The following IFT80 variants were observed in gnomAD, a reference collection of about 807,000 sequenced individuals.
IFT80 encodes intraflagellar transport protein 80 homolog.
In IFT80, 79 loss-of-function variants were observed where a neutral mutation model predicts 107.9. The observed-to-expected ratio is 0.73, with a 90% confidence interval of 0.61 to 0.88. IFT80 has a LOEUF of 0.88. IFT80 is among the 40% of genes least tolerant of loss of function. The probability of loss-of-function intolerance (pLI) is 0.00; values close to 1 mark genes in which losing one functional copy is unlikely to be tolerated. For missense variants in IFT80, 797 were observed against 914.2 expected (o/e 0.87, Z 1.65); for synonymous variants, 299 against 300.9 (o/e 0.99, Z 0.07).
chr3:160,398,813 T>C (rs1714096215), intron 1 of IFT80, among the ~76,000 whole-genome samples: 2 of 152,166 alleles, frequency 1.3e-5, no homozygotes, highest in Admixed American at 6.5e-5. Context: ...TGGCGAGTCG[T>C]TTTTTCCACT....
At chr3:160,297,202 A>G (rs1258942773) in intron 12 of IFT80, among the ~76,000 whole-genome samples, 2 of 152,150 alleles carry the variant, frequency 1.3e-5, no homozygotes, top group Non-Finnish European at 2.9e-5. Context: ...CTTAGTCTCA[A>G]TCGTAACAGT....
At chr3:160,349,269 A>C (rs891565078) in intron 8 of IFT80, among the ~76,000 whole-genome samples, 1 of 151,910 alleles carries the variant, frequency 6.6e-6, no homozygotes, top group Non-Finnish European at 1.5e-5. Context: ...CCAACATGGA[A>C]AAACCCCGTC....
intron 10 of IFT80, among the ~76,000 whole-genome samples, chr3:160,306,348 G>T (rs1287908613): frequency 1.3e-5 from 2 of 152,064 alleles, no homozygotes; most frequent in Non-Finnish European, 2.9e-5. Context: ...AGAATAATGG[G>T]GAAGTTATTA....
At chr3:160,261,956 A>C (rs1441160508) in intron 19 of IFT80, among the ~76,000 whole-genome samples, 2 of 152,134 alleles carry the variant, frequency 1.3e-5, no homozygotes, top group Admixed American at 6.6e-5. Context: ...AAAATCTCTC[A>C]AGACTGTATA....
At chr3:160,308,720 A>G (rs934767983) in intron 9 of IFT80, among the ~76,000 whole-genome samples, 1 of 152,208 alleles carries the variant, frequency 6.6e-6, no homozygotes, top group Non-Finnish European at 1.5e-5. Context: ...CAAACTTCTT[A>G]TAAGTACTTC....
At chr3:160,373,672 G>T (rs1711733081) in intron 5 of IFT80, 1 of 173,836 alleles carries the variant, frequency 5.8e-6, no homozygotes, top group Non-Finnish European at 1.2e-5. Context: ...GATGGTCACT[G>T]CTGGGGGTGA....
intron 5 of IFT80, among the ~76,000 whole-genome samples, chr3:160,375,450 A>G (rs748739689): frequency 3.3e-5 from 5 of 152,136 alleles, no homozygotes; most frequent in African/African-American, 1.2e-4. Context: ...GAGATACTCA[A>G]TATCTTTTCG....
intron 18 of IFT80, among the ~76,000 whole-genome samples, chr3:160,274,994 T>C (rs1450973517): frequency 2.0e-5 from 3 of 152,256 alleles, no homozygotes; most frequent in Non-Finnish European, 4.4e-5. Context: ...TGAGCTCTTC[T>C]TTGATATTAG....
chr3:160,259,205 A>G (rs1459113415), intron 19 of IFT80, among the ~76,000 whole-genome samples: 1 of 152,206 alleles, frequency 6.6e-6, no homozygotes, highest in African/African-American at 2.4e-5. Context: ...AAAGACTCTC[A>G]TTGTGATTTA....
At chr3:160,366,479 T>A (rs193219535) in intron 5 of IFT80, among the ~76,000 whole-genome samples, 20 of 152,144 alleles carry the variant, frequency 1.3e-4, no homozygotes, top group African/African-American at 4.8e-4. Flanking sequence ...TCATTTTTAA[T>A]ATATAAAGAA....
intron 1 of IFT80, among the ~76,000 whole-genome samples, chr3:160,392,814 G>C (rs983653891): frequency 5.9e-5 from 9 of 152,130 alleles, no homozygotes; most frequent in Non-Finnish European, 1.2e-4. Flanking sequence ...TCACACCTGT[G>C]ATCACAGCAC....
chr3:160,381,728 T>C lies in IFT80; in HGVS notation c.38-4A>G, dbSNP rs368059086. On this transcript the variant is annotated splice_region_variant and splice_polypyrimidine_tract_variant and intron_variant, in intron 2 of 19. Transcript: ENST00000326448. ...ACACAGCTTACTAATTCTTGATGTGTCACCATGTTAAAGAGACATAAAACA... is the reference window on the plus strand; with the variant it reads ...ACACAGCTTACTAATTCTTGATGTGCCACCATGTTAAAGAGACATAAAACA... 24 of 1,608,012 alleles carry C rather than the reference T, an allele frequency of 1.5e-5. No individual in the cohort carries two copies. In the African/African-American group the frequency reaches 3.1e-4, roughly 21 times the overall value.
chr3:160,390,360 T>G (rs1439359726), intron 1 of IFT80, among the ~76,000 whole-genome samples: 1 of 149,066 alleles, frequency 6.7e-6, no homozygotes, highest in African/African-American at 2.5e-5. Context: ...GAGGTTGCAG[T>G]AAGCCGAGAT....
intron 11 of IFT80, among the ~76,000 whole-genome samples, chr3:160,301,447 T>C (rs1716415947): frequency 6.6e-6 from 1 of 151,944 alleles, no homozygotes; most frequent in Non-Finnish European, 1.5e-5. Flanking sequence ...ACAGTCTTAA[T>C]ATATATTTTA....
At chr3:160,347,058 G>A (rs1019629584) in intron 8 of IFT80, among the ~76,000 whole-genome samples, 6 of 152,126 alleles carry the variant, frequency 3.9e-5, no homozygotes, top group African/African-American at 1.2e-4. Flanking sequence ...AGGGAACTAT[G>A]AGAGGTCAAA....
At chr3:160,306,362 G>A (rs865814095) in intron 10 of IFT80, among the ~76,000 whole-genome samples, 4 of 152,022 alleles carry the variant, frequency 2.6e-5, no homozygotes, top group Admixed American at 6.5e-5. Context: ...GTTATTATGG[G>A]GAAGTTAAGA....
chr3:160,362,694 T>C (rs1189869044), intron 6 of IFT80, among the ~76,000 whole-genome samples: 1 of 152,216 alleles, frequency 6.6e-6, no homozygotes, highest in Non-Finnish European at 1.5e-5. Context: ...GCTTCATCCC[T>C]GGGATGCAAG....
At chr3:160,385,831 T>G (rs543837974) in intron 1 of IFT80, among the ~76,000 whole-genome samples, 1 of 152,176 alleles carries the variant, frequency 6.6e-6, no homozygotes, top group South Asian at 2.1e-4. Context: ...ACTAATAACA[T>G]TTTACGAAAT....
Position 160,354,177 on chromosome 3 carries a change from G to A in IFT80, c.777+1836C>T, listed in dbSNP as rs191287696. On this transcript the variant is annotated intron_variant, in intron 8 of 19. Coordinates refer to ENST00000326448, the MANE Select transcript of IFT80 (RefSeq NM_020800.3). Reference sequence around the variant, plus strand: ...TTCTATAGATTTAGAATCATTGATAGGGAAAATCAGAGGTAAAAGCTCCTT... The same window carrying A: ...TTCTATAGATTTAGAATCATTGATAAGGAAAATCAGAGGTAAAAGCTCCTT... 1.0e-3 allele frequency among the ~76,000 whole-genome samples: 159 copies of A among 152,268 alleles called. 1 individual carries two copies. Among genetic ancestry groups the A allele is most frequent in the Non-Finnish European group, 1.5e-3 (104 of 68,020 alleles).
Sources: gnomAD v4.1 joint callset for allele counts (sites outside exome capture counted in the v4.1 genomes callset) on GRCh38, gnomAD v4.1.1 for gene constraint, MANE v1.5 for transcripts, NCBI Gene and HGNC (gene_info 2026-07-23, HGNC 2026-07-21) for gene names.